The following KANK1 variants were observed in gnomAD, a reference collection of about 807,000 sequenced individuals.
The protein encoded by KANK1 is KN motif and ankyrin repeat domain-containing protein 1.
In KANK1, 109 loss-of-function variants were observed where a neutral mutation model predicts 106.2. That is an observed-to-expected ratio of 1.03 (90% confidence interval 0.88 to 1.20). KANK1 has a LOEUF of 1.20. Among genes scored for constraint, KANK1 ranks in the 50% most tolerant of loss-of-function variants. KANK1 has a pLI of 0.00. For missense variants in KANK1, 2,399 were observed against 1,710.7 expected (o/e 1.40, Z -7.10); for synonymous variants, 873 against 652.2 (o/e 1.34, Z -5.16).
At chr9:633,196 G>A (rs888545520) in intron 1 of KANK1, among the ~76,000 whole-genome samples, 3 of 151,982 alleles carry the variant, frequency 2.0e-5, no homozygotes, top group South Asian at 2.1e-4. Context: ...AGTGGCTCAC[G>A]CCTGCAATCC....
chr9:696,438 C>A (rs990783526), intron 2 of KANK1, among the ~76,000 whole-genome samples: 1 of 152,116 alleles, frequency 6.6e-6, no homozygotes, highest in Admixed American at 6.5e-5. Context: ...CCAGTTATTC[C>A]CAGGACAGAG....
At chr9:661,980 T>C (rs1042218123) in intron 1 of KANK1, among the ~76,000 whole-genome samples, 5 of 152,240 alleles carry the variant, frequency 3.3e-5, no homozygotes, top group African/African-American at 9.7e-5. Flanking sequence ...TTGTTTGATT[T>C]TTTCTTGTAA....
intron 1 of KANK1, among the ~76,000 whole-genome samples, chr9:637,766 CAG>C (rs1262125509): frequency 1.3e-5 from 2 of 152,096 alleles, no homozygotes; most frequent in East Asian, 3.8e-4. Context: ...AGTGGGTACT[CAG>C]AGTATTTCAT....
intron 1 of KANK1, among the ~76,000 whole-genome samples, chr9:647,608 C>T (rs997436515): frequency 6.6e-6 from 1 of 150,664 alleles, no homozygotes; most frequent in African/African-American, 2.5e-5. Context: ...TAAGAAAACT[C>T]TTAGTATAGT....
chr9:734,747 G>C lies in KANK1; in HGVS notation c.3246-1G>C. The C allele has an allele frequency of 6.3e-7, 1 of 1,596,098 alleles. No homozygotes were observed. Among genetic ancestry groups the C allele is most frequent in the South Asian group, 1.1e-5 (1 of 90,658 alleles). Reference sequence around the variant, plus strand: ...TCGTAACTTGTTTTTTCTCCTTTCAGGTATGAATTAAGTGAAAAGATGTTG... The same window carrying C: ...TCGTAACTTGTTTTTTCTCCTTTCACGTATGAATTAAGTGAAAAGATGTTG... On this transcript the variant is annotated splice_acceptor_variant, in intron 6 of 11. Coordinates refer to ENST00000382297, the MANE Select transcript of KANK1 (RefSeq NM_015158.5). LOFTEE classifies it high-confidence loss of function.
At chr9:743,338 C>A (rs1000570283) in intron 10 of KANK1, among the ~76,000 whole-genome samples, 1 of 152,208 alleles carries the variant, frequency 6.6e-6, no homozygotes, top group Non-Finnish European at 1.5e-5. Flanking sequence ...ACTCAGCCAT[C>A]TCCACAGGAG....
intron 1 of KANK1, among the ~76,000 whole-genome samples, chr9:662,266 G>C (rs1409114893): frequency 1.3e-5 from 2 of 152,104 alleles, no homozygotes; most frequent in Non-Finnish European, 2.9e-5. Context: ...GTAATTTATA[G>C]GTTCAGTGCC....
At chr9:607,484 CAAAAA>C (rs760884670) in intron 1 of KANK1, among the ~76,000 whole-genome samples, 12 of 61,220 alleles carry the variant, frequency 2.0e-4, no homozygotes, top group African/African-American at 5.8e-4. Context: ...GACTCCATCT[CAAAAA>C]AAAAAAAAAA....
intron 3 of KANK1, among the ~76,000 whole-genome samples, chr9:475,573 T>A (rs1429135249): frequency 6.6e-6 from 1 of 152,002 alleles, no homozygotes; most frequent in African/African-American, 2.4e-5. Flanking sequence ...GTCTGGGGAG[T>A]TATGCCCTAC....
intron 1 of KANK1, among the ~76,000 whole-genome samples, chr9:652,444 A>C (rs924112100): frequency 6.6e-6 from 1 of 152,204 alleles, no homozygotes; most frequent in Non-Finnish European, 1.5e-5. Flanking sequence ...AATCACTTGA[A>C]TCTGGTAGGC....
At chr9:622,804 A>G (rs578043114) in intron 1 of KANK1, among the ~76,000 whole-genome samples, 4 of 152,088 alleles carry the variant, frequency 2.6e-5, no homozygotes, top group Non-Finnish European at 4.4e-5. Context: ...CGGGAGGCTG[A>G]GGCAGGAGAA....
At chr9:702,408 G>A (rs1245335078) in intron 2 of KANK1, among the ~76,000 whole-genome samples, 3 of 152,152 alleles carry the variant, frequency 2.0e-5, no homozygotes, top group Non-Finnish European at 4.4e-5. Context: ...TGAGCCTTGT[G>A]AGAACAGAGA....
chr9:629,679 C>G (rs1835205089), intron 1 of KANK1, among the ~76,000 whole-genome samples: 1 of 152,194 alleles, frequency 6.6e-6, no homozygotes, highest in Non-Finnish European at 1.5e-5. Context: ...TCAAACAACT[C>G]AGTTACAGTG....
intron 1 of KANK1, among the ~76,000 whole-genome samples, chr9:635,878 T>C (rs1296162176): frequency 1.3e-5 from 2 of 151,918 alleles, no homozygotes; most frequent in Non-Finnish European, 2.9e-5. Flanking sequence ...TTTCACTTTA[T>C]TGGTCAGACT....
chr9:698,837 A>T (rs576532168), intron 2 of KANK1, among the ~76,000 whole-genome samples: 2 of 152,310 alleles, frequency 1.3e-5, no homozygotes, highest in South Asian at 4.1e-4. Flanking sequence ...GAGAATTTTA[A>T]TCTCCAGCAT....
intron 3 of KANK1, 25 bp from the exon 4 acceptor site, chr9:730,024 ACT>A (rs756493888): frequency 2.5e-6 from 4 of 1,601,538 alleles, no homozygotes; most frequent in Non-Finnish European, 8.5e-7. Context: ...AGCATCACAC[ACT>A]CTGTACCTTT....
intron 1 of KANK1, among the ~76,000 whole-genome samples, chr9:568,870 T>A (rs1433808779): frequency 4.6e-5 from 7 of 152,218 alleles, no homozygotes; most frequent in African/African-American, 1.7e-4. Flanking sequence ...TAAAAGATCA[T>A]GACCACTTAA....
At chr9:488,723 G>T (rs545413308) in intron 3 of KANK1, among the ~76,000 whole-genome samples, 1 of 152,256 alleles carries the variant, frequency 6.6e-6, no homozygotes, top group East Asian at 1.9e-4. Flanking sequence ...ACTTTGATTT[G>T]GGGTCAGGAT....
chr9:576,366 T>C (rs1820564730), intron 1 of KANK1, among the ~76,000 whole-genome samples: 1 of 152,190 alleles, frequency 6.6e-6, no homozygotes, highest in Admixed American at 6.5e-5. Flanking sequence ...TAGACAACCT[T>C]ACTGGCCTCC....
Sources: allele counts gnomAD v4.1 joint callset (sites outside exome capture counted in the v4.1 genomes callset), GRCh38; gene constraint gnomAD v4.1.1; transcripts MANE v1.5; gene names NCBI Gene and HGNC (gene_info 2026-07-23, HGNC 2026-07-21).